USP32: variants seen among roughly 807,000 people sequenced by gnomAD.
USP32 encodes ubiquitin specific peptidase 32.
USP32 carries 59 observed loss-of-function variants against 204.8 expected under a neutral mutation model. The ratio of observed to expected loss-of-function variants is 0.29; its 90% CI spans 0.23 to 0.36. The LOEUF (loss-of-function observed/expected upper bound fraction) is 0.36. Among genes scored for constraint, USP32 ranks in the 10% least tolerant of loss-of-function variants. The probability of loss-of-function intolerance (pLI) is 1.00; values close to 1 mark genes in which losing one functional copy is unlikely to be tolerated. For synonymous variants in USP32, 517 were observed against 678.4 expected, an observed-to-expected ratio of 0.76 and a Z score of 3.70; for missense variants, 1,160 against 1,946.4, an observed-to-expected ratio of 0.60 and a Z score of 7.60.
At chr17:60,199,010 G>A (rs2084600950) in intron 26 of USP32, among the ~76,000 whole-genome samples, 1 of 152,156 alleles carries the variant, frequency 6.6e-6, no homozygotes, top group Admixed American at 6.5e-5. Flanking sequence ...CAGCTATACA[G>A]GAGGCTGAGG....
intron 3 of USP32, among the ~76,000 whole-genome samples, chr17:60,300,586 A>G (rs1381516448): frequency 1.3e-5 from 2 of 152,246 alleles, no homozygotes; most frequent in Non-Finnish European, 2.9e-5. Context: ...CAAATAACGT[A>G]TATAAAATGT....
intron 2 of USP32, among the ~76,000 whole-genome samples, chr17:60,318,246 T>C (rs1275395526): frequency 6.6e-6 from 1 of 152,232 alleles, no homozygotes; most frequent in African/African-American, 2.4e-5. Context: ...AAACTCAGCA[T>C]ATATAAAGAT....
At chr17:60,373,775 T>C (rs956040044) in intron 1 of USP32, among the ~76,000 whole-genome samples, 4 of 152,216 alleles carry the variant, frequency 2.6e-5, no homozygotes, top group African/African-American at 7.2e-5. Context: ...TTTTACTTCA[T>C]AAACTTTTAA....
intron 2 of USP32, among the ~76,000 whole-genome samples, chr17:60,310,799 G>A (rs991438281): frequency 2.0e-5 from 3 of 152,192 alleles, no homozygotes; most frequent in African/African-American, 7.2e-5. Flanking sequence ...ACTTTGGGAG[G>A]CCAAGGCAAG....
chr17:60,267,336 G>A (rs1195467361), intron 7 of USP32, among the ~76,000 whole-genome samples: 5 of 151,870 alleles, frequency 3.3e-5, no homozygotes, highest in Admixed American at 1.3e-4. Flanking sequence ...CCCGGGAGGC[G>A]GAGGTTGCAG....
chr17:60,198,565 A>G, intron 26 of USP32, 121 bp from the exon 27 acceptor site: 1 of 1,217,956 alleles, frequency 8.2e-7, no homozygotes, highest in Non-Finnish European at 1.1e-6. Flanking sequence ...TCACTATCAC[A>G]TTCTTCTCTG....
At chr17:60,191,755 C>T (rs1322266212) in intron 28 of USP32, among the ~76,000 whole-genome samples, 5 of 151,470 alleles carry the variant, frequency 3.3e-5, no homozygotes, top group African/African-American at 7.3e-5. Context: ...TTGATCTGCC[C>T]GCCTCCACCT....
At chr17:60,306,638 G>A (rs187571802) in intron 2 of USP32, among the ~76,000 whole-genome samples, 194 of 148,382 alleles carry the variant, frequency 1.3e-3, no homozygotes, top group African/African-American at 4.8e-3. Flanking sequence ...ACTCCGTCTC[G>A]AAAGAAAAAA....
intron 1 of USP32, among the ~76,000 whole-genome samples, chr17:60,410,992 A>C (rs560685278): frequency 4.1e-4 from 62 of 151,228 alleles, no homozygotes; most frequent in African/African-American, 1.5e-3. Context: ...CCTGGACAAC[A>C]TAATGAGACC....
chr17:60,344,945 C>T (rs1322703122), intron 2 of USP32, among the ~76,000 whole-genome samples: 2 of 152,112 alleles, frequency 1.3e-5, no homozygotes, highest in African/African-American at 2.4e-5. Context: ...ACTACAGGGA[C>T]GCACAGTGGC....
At chr17:60,298,729 G>T (rs187206798) in intron 3 of USP32, among the ~76,000 whole-genome samples, 1 of 152,148 alleles carries the variant, frequency 6.6e-6, no homozygotes, top group Non-Finnish European at 1.5e-5. Flanking sequence ...CAAAAATCAG[G>T]ATCACAATTA....
rs141126106 is a variant in USP32, at chr17:60,288,559, G to C, written c.535C>G (p.Pro179Ala). The C allele has an allele frequency of 6.2e-7, 1 of 1,610,010 alleles. No individual in the cohort carries two copies. The highest frequency in any genetic ancestry group is 8.5e-7 in the Non-Finnish European group (1 of 1,178,612). The change falls in exon 5 of 34, where the codon CCT (proline) becomes GCT (alanine). Residue 179 changes from proline to alanine, a missense_variant. Pro to Ala is a conservative substitution (Grantham distance 27). Transcript: ENST00000300896. ...YVTLTDDSDT[P>A]TFYQTLAGVT... ...CCAGCCAGAGTTTGGTAGAAAGTAG[G>C]AGTATCACTATCATCAGTGAGGGTA...
At chr17:60,311,369 T>C (rs970992296) in intron 2 of USP32, among the ~76,000 whole-genome samples, 4 of 152,218 alleles carry the variant, frequency 2.6e-5, no homozygotes, top group African/African-American at 7.2e-5. Context: ...AATTGATGTA[T>C]GTGGTAATGA....
At chr17:60,394,635 C>A (rs1460498593), upstream of USP32, among the ~76,000 whole-genome samples, 1 of 152,212 alleles carries the variant, frequency 6.6e-6, no homozygotes, top group African/African-American at 2.4e-5. Context: ...AGATTACTTA[C>A]ACAAACCTAA....
At position 60,212,027 on chromosome 17, in the gene USP32, T is replaced by C. The variant is rs1243076299; in HGVS notation, c.2176A>G (p.Lys726Glu). 1 of 1,582,844 alleles carries C rather than the reference T, an allele frequency of 6.3e-7. No individual in the cohort carries two copies. The highest frequency in any genetic ancestry group is 8.6e-7 in the Non-Finnish European group (1 of 1,157,332). Residue 726 changes from lysine (K) to glutamate (E), a missense_variant, in exon 19 of 34, where the codon AAG (lysine) becomes GAG (glutamate). Coordinates refer to ENST00000300896, the MANE Select transcript of USP32 (RefSeq NM_032582.4). ...IANSSKIDRHKVPTEKGATGL... is the reference protein window; with the variant it reads ...IANSSKIDRHEVPTEKGATGL... ...AAAAATAATACTGGAGACTTACCCT[T>C]GTGTCTATCTATTTTACTACTATTT...
intron 2 of USP32, among the ~76,000 whole-genome samples, chr17:60,330,704 A>G (rs2145965565): frequency 6.6e-6 from 1 of 152,064 alleles, no homozygotes; most frequent in South Asian, 2.1e-4. Context: ...ATATCATCAC[A>G]CCTGGCTAAT....
At position 60,281,488 on chromosome 17, in the gene USP32, A is replaced by G. The variant is rs900986774; in HGVS notation, c.571+7035T>C. On this transcript the variant is annotated intron_variant, in intron 5 of 33. Coordinates refer to ENST00000300896, the MANE Select transcript of USP32 (RefSeq NM_032582.4). ...GGAGGATGGAGGTTGCAGTGAGCTG[A>G]GATCATGCCACTGCACTCCAGCCTG... Among the ~76,000 whole-genome samples, 3 of 151,834 alleles carry G rather than the reference A, an allele frequency of 2.0e-5. No individual in the cohort carries two copies. The East Asian group carries it at 5.8e-4, about 29-fold the overall frequency.
At chr17:60,349,580 A>AG (rs1268417725) in intron 1 of USP32, among the ~76,000 whole-genome samples, 1 of 18,342 alleles carries the variant, frequency 5.5e-5, no homozygotes, top group Non-Finnish European at 8.4e-5. Flanking sequence ...TCTCAAAAGA[A>AG]AAAAAAAAAA....
At chr17:60,244,235 G>A (rs2085956559) in intron 11 of USP32, among the ~76,000 whole-genome samples, 1 of 151,454 alleles carries the variant, frequency 6.6e-6, no homozygotes, top group Non-Finnish European at 1.5e-5. Context: ...AACCAGGATG[G>A]TCTCAATCTC....
Sources: allele counts gnomAD v4.1 joint callset (sites outside exome capture counted in the v4.1 genomes callset), GRCh38; gene constraint gnomAD v4.1.1; transcripts MANE v1.5; gene names NCBI Gene and HGNC (gene_info 2026-07-23, HGNC 2026-07-21).